EFNA5: variants seen among roughly 807,000 people sequenced by gnomAD.
EFNA5 encodes the protein ephrin-A5.
A neutral mutation model predicts 22.9 loss-of-function variants in EFNA5; 5 were observed. That is an observed-to-expected ratio of 0.22 (90% CI 0.11 to 0.46). EFNA5 has a LOEUF of 0.46. EFNA5 is among the 20% of genes least tolerant of loss of function. EFNA5 has a pLI of 0.99. For missense variants in EFNA5, 237 were observed against 293.3 expected (o/e 0.81, Z 1.40); for synonymous variants, 113 against 112.2 (o/e 1.01, Z -0.04).
intron 1 of EFNA5, among the ~76,000 whole-genome samples, chr5:107,427,733 A>G (rs894202620): frequency 2.0e-5 from 3 of 152,162 alleles, no homozygotes; most frequent in African/African-American, 4.8e-5. Flanking sequence ...GTTTCAAAAT[A>G]TCCTACAAAC....
chr5:107,617,725 T>C (rs1749952638), intron 1 of EFNA5, among the ~76,000 whole-genome samples: 1 of 152,200 alleles, frequency 6.6e-6, no homozygotes, highest in Non-Finnish European at 1.5e-5. Context: ...AGATGGGCAA[T>C]GCAGGATTTG....
Position 107,466,782 on chromosome 5 carries a change from G to A in EFNA5, c.126-39273C>T, listed in dbSNP as rs547532847. Among the ~76,000 whole-genome samples, 16 of 152,256 alleles carry A rather than the reference G, an allele frequency of 1.1e-4. No individual in the cohort carries two copies. In the South Asian group the frequency reaches 2.1e-3, roughly 20 times the overall value. On this transcript the variant is annotated intron_variant, in intron 1 of 4. Transcript: ENST00000333274. ...ACAAAGGCTTGAGCGTTTGGGGTGG[G>A]CCATCAGGAAAGGGCTCCAGAAGCA...
At chr5:107,496,825 C>T (rs1009729154) in intron 1 of EFNA5, among the ~76,000 whole-genome samples, 11 of 152,222 alleles carry the variant, frequency 7.2e-5, no homozygotes, top group African/African-American at 2.7e-4. Context: ...GCTTCTCCTC[C>T]TTCAGACTAG....
chr5:107,609,967 T>G (rs533467976), intron 1 of EFNA5, among the ~76,000 whole-genome samples: 42 of 152,180 alleles, frequency 2.8e-4, no homozygotes, highest in African/African-American at 1.0e-3. Context: ...AGATCACCTC[T>G]CATTTAAGAA....
At chr5:107,663,728 C>G (rs1214175342) in intron 1 of EFNA5, among the ~76,000 whole-genome samples, 1 of 152,042 alleles carries the variant, frequency 6.6e-6, no homozygotes, top group East Asian at 1.9e-4. Flanking sequence ...CTGACCCTCC[C>G]TAAAGCAACT....
At chr5:107,391,340 AC>A (rs1486093270) in intron 2 of EFNA5, among the ~76,000 whole-genome samples, 1 of 152,202 alleles carries the variant, frequency 6.6e-6, no homozygotes, top group Non-Finnish European at 1.5e-5. Flanking sequence ...ACTGAGGTTT[AC>A]ATGAAGAGCC....
rs200879646 is a variant in EFNA5 at position 107,591,883 on chromosome 5, T to A, written c.125+78606A>T. ...TAAAAAATATATATATAATATATAA[T>A]ATATATATTATATATAATATATAAT... On this transcript the variant is annotated intron_variant, in intron 1 of 4. Coordinates refer to ENST00000333274, the MANE Select transcript of EFNA5 (RefSeq NM_001962.3). Among the ~76,000 whole-genome samples, 107 of 24,522 alleles carry A rather than the reference T, an allele frequency of 4.4e-3. 10 individuals carry two copies. Among genetic ancestry groups the A allele is most frequent in the African/African-American group, 0.033 (96 of 2,884 alleles). The allele number at this position is 24,522 out of a possible 152,430, so 16.1% of individuals were successfully genotyped here. A position where few individuals can be genotyped will look rare whatever the true frequency, so the allele number is the denominator to read the frequency against.
intron 1 of EFNA5, among the ~76,000 whole-genome samples, chr5:107,451,997 G>A (rs1749571302): frequency 6.6e-6 from 1 of 152,132 alleles, no homozygotes; most frequent in Non-Finnish European, 1.5e-5. Context: ...ATGATAGACA[G>A]GATAAAGAAA....
intron 1 of EFNA5, among the ~76,000 whole-genome samples, chr5:107,626,004 A>G (rs1460772303): frequency 3.3e-5 from 5 of 152,216 alleles, no homozygotes; most frequent in Non-Finnish European, 7.3e-5. Flanking sequence ...ATGACAACTG[A>G]TAAATTCATG....
chr5:107,642,450 AT>A (rs201045652), intron 1 of EFNA5, among the ~76,000 whole-genome samples: 2,206 of 149,826 alleles, frequency 0.015, 28 homozygotes, highest in Middle Eastern at 0.031. Context: ...GATATATACA[AT>A]TTTTGTCAAC....
intron 1 of EFNA5, among the ~76,000 whole-genome samples, chr5:107,490,144 T>C (rs1273608180): frequency 6.6e-6 from 1 of 152,222 alleles, no homozygotes; most frequent in Non-Finnish European, 1.5e-5. Flanking sequence ...TGCCTATCTA[T>C]AGATAATAAA....
At chr5:107,651,182 G>A (rs1750721767) in intron 1 of EFNA5, among the ~76,000 whole-genome samples, 1 of 152,090 alleles carries the variant, frequency 6.6e-6, no homozygotes, top group Admixed American at 6.6e-5. Context: ...CCATTTACTG[G>A]CCAAGGGACC....
intron 1 of EFNA5, among the ~76,000 whole-genome samples, chr5:107,499,645 A>T (rs955611380): frequency 1.3e-5 from 2 of 152,212 alleles, no homozygotes; most frequent in African/African-American, 4.8e-5. Context: ...ACAGAGATAC[A>T]GGTATTAGCC....
intron 1 of EFNA5, among the ~76,000 whole-genome samples, chr5:107,521,131 T>A (rs1429724409): frequency 2.6e-5 from 4 of 152,316 alleles, no homozygotes; most frequent in Non-Finnish European, 5.9e-5. Flanking sequence ...TTATTGTATG[T>A]AGAAAGTGCA....
intron 1 of EFNA5, among the ~76,000 whole-genome samples, chr5:107,591,861 AAAAT>A (rs1749334806): frequency 1.3e-5 from 1 of 77,550 alleles, no homozygotes; most frequent in Non-Finnish European, 2.3e-5. Flanking sequence ...TATAATATAA[AAAAT>A]ATATATATAA....
intron 1 of EFNA5, among the ~76,000 whole-genome samples, chr5:107,665,264 C>A (rs1751042564): frequency 6.6e-6 from 1 of 152,184 alleles, no homozygotes; most frequent in Non-Finnish European, 1.5e-5. Context: ...AGGCGCCCAT[C>A]TTTATGTCCT....
intron 1 of EFNA5, among the ~76,000 whole-genome samples, chr5:107,574,790 G>C (rs577538583): frequency 6.6e-6 from 1 of 152,190 alleles, no homozygotes; most frequent in Admixed American, 6.5e-5. Flanking sequence ...TAAAGAAAAA[G>C]GCTGGTGAGA....
intron 1 of EFNA5, among the ~76,000 whole-genome samples, chr5:107,512,774 T>A (rs1457571147): frequency 6.6e-6 from 1 of 152,042 alleles, no homozygotes; most frequent in Non-Finnish European, 1.5e-5. Context: ...ACTTAACTTC[T>A]TTTATACCTC....
At chr5:107,410,086 C>T (rs940018324) in intron 2 of EFNA5, among the ~76,000 whole-genome samples, 8 of 143,402 alleles carry the variant, frequency 5.6e-5, no homozygotes, top group African/African-American at 1.9e-4. Context: ...TGGAGTGCAG[C>T]GGCGCGATCT....
Sources: gnomAD v4.1 joint callset for allele counts (sites outside exome capture counted in the v4.1 genomes callset) on GRCh38, gnomAD v4.1.1 for gene constraint, MANE v1.5 for transcripts, NCBI Gene and HGNC (gene_info 2026-07-23, HGNC 2026-07-21) for gene names.